Variants in SLC23A2 observed in about 807,000 individuals in gnomAD.
SLC23A2 encodes solute carrier family 23 member 2, also known as Na(+)/L-ascorbic acid transporter 2.
A neutral mutation model predicts 73.3 loss-of-function variants in SLC23A2; 36 were observed. The ratio of observed to expected loss-of-function variants is 0.49; its 90% CI spans 0.38 to 0.65. The LOEUF (loss-of-function observed/expected upper bound fraction) is 0.65. Among genes scored for constraint, SLC23A2 ranks in the 30% least tolerant of loss-of-function variants. The pLI is 0.00. For synonymous variants in SLC23A2, 343 were observed against 327.3 expected (o/e 1.05, Z -0.52); for missense variants, 507 against 841.6 (o/e 0.60, Z 4.92).
At chr20:4,952,559 G>A (rs1255949420) in intron 2 of SLC23A2, among the ~76,000 whole-genome samples, 2 of 152,110 alleles carry the variant, frequency 1.3e-5, no homozygotes, top group African/African-American at 2.4e-5. Flanking sequence ...ATTCCAACCA[G>A]GTTGGAATAT....
At chr20:4,987,824 C>T (rs555589247) in intron 1 of SLC23A2, among the ~76,000 whole-genome samples, 8 of 149,598 alleles carry the variant, frequency 5.3e-5, no homozygotes, top group South Asian at 2.1e-4. Context: ...CCAGCCTGGG[C>T]GACAGAGCAG....
intron 1 of SLC23A2, among the ~76,000 whole-genome samples, chr20:4,972,328 C>A (rs980107201): frequency 2.0e-5 from 3 of 151,786 alleles, no homozygotes; most frequent in African/African-American, 4.8e-5. Context: ...ACCAGTCCAG[C>A]CTTCAAGGAA....
intron 1 of SLC23A2, among the ~76,000 whole-genome samples, chr20:4,973,107 A>C (rs909929274): frequency 7.2e-5 from 11 of 152,258 alleles, no homozygotes; most frequent in Admixed American, 3.9e-4. Flanking sequence ...TTTTATTAAA[A>C]GGATAATTAC....
chr20:4,913,105 G>C, intron 3 of SLC23A2, 127 bp from the exon 4 acceptor site: 1 of 676,658 alleles, frequency 1.5e-6, no homozygotes, highest in Non-Finnish European at 2.7e-6. Context: ...CATACTCCAT[G>C]TACCGTATGG....
intron 2 of SLC23A2, among the ~76,000 whole-genome samples, chr20:4,953,141 A>G (rs1432995659): frequency 6.6e-6 from 1 of 152,012 alleles, no homozygotes; most frequent in Non-Finnish European, 1.5e-5. Context: ...CCCCGTCTCT[A>G]CTAAAAACAC....
intron 2 of SLC23A2, among the ~76,000 whole-genome samples, chr20:4,935,826 A>AT (rs1264037375): frequency 3.3e-5 from 5 of 152,106 alleles, no homozygotes; most frequent in African/African-American, 9.7e-5. Flanking sequence ...AAAGTTAAAA[A>AT]AAATATATAT....
At chr20:4,989,574 G>T (rs1374872123) in intron 1 of SLC23A2, among the ~76,000 whole-genome samples, 1 of 151,770 alleles carries the variant, frequency 6.6e-6, no homozygotes, top group Non-Finnish European at 1.5e-5. Context: ...ACTTTGGAAG[G>T]CCAAAGCAGG....
At chr20:4,962,480 G>A (rs534776111) in intron 2 of SLC23A2, among the ~76,000 whole-genome samples, 3 of 152,358 alleles carry the variant, frequency 2.0e-5, no homozygotes, top group African/African-American at 7.2e-5. Flanking sequence ...AGGACAGGGT[G>A]TGTAGACACA....
chr20:4,956,097 TCTTCA>T (rs2087284566), intron 2 of SLC23A2, among the ~76,000 whole-genome samples: 1 of 152,186 alleles, frequency 6.6e-6, no homozygotes, highest in African/African-American at 2.4e-5. Context: ...AACTTTTAAT[TCTTCA>T]GAAATAATTT....
In SLC23A2 at chr20:4,940,763, C is replaced by T. The variant is rs542866331; in HGVS notation, c.-154-8047G>A. 6.6e-5 allele frequency among the ~76,000 whole-genome samples: 10 copies of T among 152,274 alleles called. No homozygotes were observed. In the East Asian group the frequency reaches 1.9e-3, roughly 29 times the overall value. On this transcript the variant is annotated intron_variant, in intron 2 of 16. Transcript: ENST00000338244. The stretch of plus-strand genomic sequence containing the variant: ...GACAAATACTGCATGATTCCACTTA[C>T]GTGAGGCGTCTAAAATAGTCAAATG...
chr20:4,859,416 T>C, intron 15 of SLC23A2, 32 bp from the exon 16 acceptor site: 1 of 1,447,516 alleles, frequency 6.9e-7, no homozygotes, highest in Non-Finnish European at 9.7e-7. Flanking sequence ...AAACGATCAG[T>C]GCCACAGCAG....
Position 4,857,039 on chromosome 20 carries a change from G to A in SLC23A2, c.1886C>T (p.Thr629Ile). ...LPISPTFVGY[T>I]WKGLRKSDNS... ...GTCGCTCTTCCTGAGGCCTTTCCAT[G>A]TGTAGCCCACAAAGGTTGGGCTGAT... Residue 629 changes from threonine (T) to isoleucine (I), a missense_variant, in exon 17 of 17, where the codon ACA becomes ATA. By Grantham distance (89) the Thr-to-Ile change is moderately conservative. Transcript: ENST00000338244. This position sits in a 1 kb window ranked among gnomAD's most constrained non-coding sequence, Gnocchi z 4.0. 1 of 1,614,134 alleles carries A rather than the reference G, an allele frequency of 6.2e-7. No homozygotes were observed. Among genetic ancestry groups the A allele is most frequent in the South Asian group, 1.1e-5 (1 of 91,088 alleles).
intron 6 of SLC23A2, among the ~76,000 whole-genome samples, chr20:4,892,630 T>C (rs1169442327): frequency 2.0e-5 from 3 of 152,220 alleles, no homozygotes; most frequent in Non-Finnish European, 4.4e-5. Flanking sequence ...TGACATCACC[T>C]ACACAGTAAT....
At chr20:4,946,291 G>C (rs1395678877) in intron 2 of SLC23A2, among the ~76,000 whole-genome samples, 2 of 152,152 alleles carry the variant, frequency 1.3e-5, no homozygotes. Flanking sequence ...AGGGCCCCAA[G>C]AGGGGTCCTG....
At chr20:4,880,971 G>C (rs1381306388) in intron 9 of SLC23A2, among the ~76,000 whole-genome samples, 1 of 152,246 alleles carries the variant, frequency 6.6e-6, no homozygotes, top group Non-Finnish European at 1.5e-5. Context: ...GGGCGAGCAA[G>C]GCTCGCAGAG....
chr20:4,959,788 T>C (rs1341160717), intron 2 of SLC23A2, among the ~76,000 whole-genome samples: 1 of 152,144 alleles, frequency 6.6e-6, no homozygotes, highest in African/African-American at 2.4e-5. Flanking sequence ...CCATATCAGC[T>C]ATTTTTATTT....
intron 2 of SLC23A2, among the ~76,000 whole-genome samples, chr20:4,969,580 CTTTT>C (rs1201990553): frequency 1.5e-5 from 2 of 137,322 alleles, no homozygotes; most frequent in Admixed American, 7.5e-5. Flanking sequence ...TGACAGCATC[CTTTT>C]TTTTTTTTTT....
intron 1 of SLC23A2, among the ~76,000 whole-genome samples, chr20:4,996,959 T>C (rs1206052796): frequency 6.6e-6 from 1 of 152,158 alleles, no homozygotes; most frequent in African/African-American, 2.4e-5. Context: ...TTGGGTATGC[T>C]GGGTTGGCAT....
intron 2 of SLC23A2, among the ~76,000 whole-genome samples, chr20:4,966,211 C>T (rs1215759166): frequency 6.6e-6 from 1 of 151,956 alleles, no homozygotes; most frequent in African/African-American, 2.4e-5. Context: ...TTCCAGGCAA[C>T]AGAAAATCTA....
Sources: allele counts gnomAD v4.1 joint callset (sites outside exome capture counted in the v4.1 genomes callset), GRCh38; gene constraint gnomAD v4.1.1; non-coding constraint Gnocchi (gnomAD v3.1); transcripts MANE v1.5; gene names NCBI Gene and HGNC (gene_info 2026-07-23, HGNC 2026-07-21).